The following KIAA2012 variants were observed in gnomAD, a reference collection of about 807,000 sequenced individuals.
KIAA2012 encodes KIAA2012.
Under a neutral mutation model 150.6 loss-of-function variants are expected in KIAA2012, and 125 were observed. The ratio of observed to expected loss-of-function variants is 0.83; its 90% CI spans 0.72 to 0.96. The LOEUF (loss-of-function observed/expected upper bound fraction) is 0.96. KIAA2012 is among the 40% of genes least tolerant of loss of function. KIAA2012 has a pLI of 0.00. For synonymous variants in KIAA2012, 462 were observed against 504.7 expected, an observed-to-expected ratio of 0.92 and a Z score of 1.13; for missense variants, 1,219 against 1,354.9, an observed-to-expected ratio of 0.90 and a Z score of 1.57.
At chr2:202,173,957 A>C (rs1036085841) in intron 15 of KIAA2012, among the ~76,000 whole-genome samples, 6 of 152,324 alleles carry the variant, frequency 3.9e-5, no homozygotes, top group African/African-American at 1.4e-4. Flanking sequence ...GTAGAACTTG[A>C]GAAGCATTCT....
At chr2:202,106,758 C>T (rs937525482) in intron 9 of KIAA2012, among the ~76,000 whole-genome samples, 6 of 152,030 alleles carry the variant, frequency 3.9e-5, no homozygotes, top group Admixed American at 2.6e-4. Context: ...ATTTCCATGA[C>T]GTGGACATTT....
At chr2:202,093,605 G>A (rs1342299692) in intron 4 of KIAA2012, among the ~76,000 whole-genome samples, 3 of 152,054 alleles carry the variant, frequency 2.0e-5, no homozygotes, top group Admixed American at 6.5e-5. Context: ...GATTTTTGTG[G>A]CAATATGATG....
At chr2:202,168,607 T>C (rs1691822873) in intron 15 of KIAA2012, among the ~76,000 whole-genome samples, 1 of 151,978 alleles carries the variant, frequency 6.6e-6, no homozygotes, top group Non-Finnish European at 1.5e-5. Context: ...ATAAGGGGTA[T>C]TGGGGGTGCT....
In KIAA2012 at chr2:202,105,795, C is replaced by A. The variant is rs376543750; in HGVS notation, c.1359C>A (p.Ser453Arg). 40 of 1,550,496 alleles carry A rather than the reference C, an allele frequency of 2.6e-5. No individual in the cohort carries two copies. Among genetic ancestry groups the A allele is most frequent in the Non-Finnish European group, 3.4e-5 (39 of 1,147,002 alleles). The change falls in exon 9 of 24, where the codon AGC becomes AGA. Residue 453 changes from serine to arginine, a missense_variant. Physicochemically the swap from Ser to Arg is moderately radical, Grantham distance 110. Transcript: ENST00000498697. ...ACCCTGAGTCAGAACCAGAAAGCAG[C>A]GAAGAATCCACACCTGTGTGGAGAC... ...APHPESEPES[S>R]EESTPVWRPP...
chr2:202,110,408 A>G (rs762090364), intron 10 of KIAA2012, among the ~76,000 whole-genome samples: 5 of 152,252 alleles, frequency 3.3e-5, no homozygotes, highest in African/African-American at 4.8e-5. Flanking sequence ...GGTAGCTCAT[A>G]GAGCAAAAAT....
At chr2:202,135,406 A>G (rs539687834) in intron 12 of KIAA2012, among the ~76,000 whole-genome samples, 1 of 152,320 alleles carries the variant, frequency 6.6e-6, no homozygotes, top group South Asian at 2.1e-4. Context: ...TGGGTTAATC[A>G]GTTTCTTTGA....
chr2:202,122,515 T>C (rs985030830), intron 11 of KIAA2012, among the ~76,000 whole-genome samples: 1 of 151,182 alleles, frequency 6.6e-6, no homozygotes, highest in Non-Finnish European at 1.5e-5. Context: ...TTTTTTTTTT[T>C]TGGAGACTGA....
At position 202,097,474 on chromosome 2, in the gene KIAA2012, G is replaced by A. The variant is rs1173286055; in HGVS notation, c.725G>A (p.Gly242Glu). 1.9e-6 allele frequency: 3 copies of A among 1,550,410 alleles called. No homozygotes were observed. Among genetic ancestry groups the A allele is most frequent in the Non-Finnish European group, 2.6e-6 (3 of 1,146,982 alleles). Residue 242 changes from glycine to glutamate, a missense_variant, in exon 5 of 24, where the codon GGA (glycine) becomes GAA (glutamate). Physicochemically the swap from Gly to Glu is moderately conservative, Grantham distance 98. Transcript: ENST00000498697. Reference sequence around the variant, plus strand: ...GATGAAGGGGAAGCTGGAGCTGCTGGACACGTGGACCAGGGCCCTCTAGCC... The same window carrying A: ...GATGAAGGGGAAGCTGGAGCTGCTGAACACGTGGACCAGGGCCCTCTAGCC... Reference protein sequence around the residue: ...GLDEGEAGAAGHVDQGPLAKN... With the variant: ...GLDEGEAGAAEHVDQGPLAKN...
intron 13 of KIAA2012, among the ~76,000 whole-genome samples, chr2:202,146,414 C>G (rs186305620): frequency 6.6e-6 from 1 of 151,874 alleles, no homozygotes; most frequent in African/African-American, 2.4e-5. Flanking sequence ...GGGTGGATTA[C>G]GAGGTCAGGA....
At position 202,193,642 on chromosome 2, in the gene KIAA2012, T is replaced by C. The variant is rs1692359681; in HGVS notation, c.3014+139T>C. 1.1e-5 allele frequency: 9 copies of C among 808,554 alleles called. No individual in the cohort carries two copies. In the Admixed American group the frequency reaches 2.5e-4, roughly 23 times the overall value. The allele number at this position is 808,554 out of a possible 1,614,324, so 50.1% of individuals were successfully genotyped here. A position where few individuals can be genotyped will look rare whatever the true frequency, so the allele number is the denominator to read the frequency against. On this transcript the variant is annotated intron_variant, in intron 20 of 23. Transcript: ENST00000498697. ...AAATAGCATGTGTCATTTTTCTCTA[T>C]CCTCAGTTTTCCTAGGAACAACACT... is the stretch of plus-strand genomic sequence containing the variant.
intron 2 of KIAA2012, among the ~76,000 whole-genome samples, chr2:202,079,122 A>G (rs1418679718): frequency 6.6e-6 from 1 of 152,130 alleles, no homozygotes; most frequent in African/African-American, 2.4e-5. Flanking sequence ...TACCAAATAT[A>G]TTTTTTAAAC....
intron 15 of KIAA2012, among the ~76,000 whole-genome samples, chr2:202,169,365 C>T (rs1691837015): frequency 6.6e-6 from 1 of 152,212 alleles, no homozygotes; most frequent in Non-Finnish European, 1.5e-5. Context: ...AACAGTGCCT[C>T]CCAGGGTTAC....
At chr2:202,168,246 C>T (rs1691811070) in intron 15 of KIAA2012, among the ~76,000 whole-genome samples, 1 of 151,726 alleles carries the variant, frequency 6.6e-6, no homozygotes, top group South Asian at 2.1e-4. Flanking sequence ...TGGTGAAACC[C>T]CATCTCTACT....
At chr2:202,137,710 A>T (rs1470317142) in intron 12 of KIAA2012, 3 of 152,208 alleles carry the variant, frequency 2.0e-5, no homozygotes, top group Non-Finnish European at 4.4e-5. Context: ...TTGGAGGGAA[A>T]TCCTTACTCA....
chr2:202,197,014 A>C lies in KIAA2012; in HGVS notation c.3402A>C (p.Gln1134His), dbSNP rs1692428712. 1.9e-6 allele frequency: 3 copies of C among 1,550,476 alleles called. No homozygotes were observed. Among genetic ancestry groups the C allele is most frequent in the Middle Eastern group, 1.7e-4 (1 of 5,990 alleles). Residue 1134 changes from glutamine to histidine, a missense_variant, in exon 22 of 24, where the codon CAA becomes CAC. By Grantham distance (24) the Gln-to-His change is conservative. Coordinates refer to ENST00000498697, the MANE Select transcript of KIAA2012 (RefSeq NM_001277372.4). ...AAGCCACGAAACAAGCCCAGGAACA[A>C]GCCAGGTACTGGATATTTGGGCAAC... ...LEEATKQAQE[Q>H]ARQKAALEKH...
Position 202,147,242 on chromosome 2 carries a change from T to G in KIAA2012, c.1909-7431T>G, listed in dbSNP as rs1004311647. ...TCCATGCCTTCTGGAGTGTTCACTG[T>G]GTTTCACTGTTTAAAATTCTAACCA... On this transcript the variant is annotated intron_variant, in intron 13 of 23. Coordinates refer to ENST00000498697, the MANE Select transcript of KIAA2012 (RefSeq NM_001277372.4). 5.2e-5 allele frequency among the ~76,000 whole-genome samples: 8 copies of G among 152,382 alleles called. No homozygotes were observed. In the East Asian group the frequency reaches 1.5e-3, roughly 29 times the overall value.
chr2:202,183,608 A>G (rs987211164), intron 15 of KIAA2012, among the ~76,000 whole-genome samples: 3 of 150,438 alleles, frequency 2.0e-5, no homozygotes, highest in Non-Finnish European at 4.4e-5. Context: ...GGTTCAAGCT[A>G]TTCTCTTGCC....
At chr2:202,192,848 C>T (rs1048865011) in intron 19 of KIAA2012, among the ~76,000 whole-genome samples, 3 of 152,012 alleles carry the variant, frequency 2.0e-5, no homozygotes, top group African/African-American at 7.2e-5. Context: ...ACCCCTGGGC[C>T]CAAGCAATCC....
intron 15 of KIAA2012, among the ~76,000 whole-genome samples, chr2:202,173,743 T>C (rs956703301): frequency 1.3e-5 from 2 of 152,300 alleles, no homozygotes; most frequent in South Asian, 4.1e-4. Flanking sequence ...GGGTCTAACA[T>C]ATGAAAATAT....
Sources: gnomAD v4.1 joint callset for allele counts (sites outside exome capture counted in the v4.1 genomes callset) on GRCh38, gnomAD v4.1.1 for gene constraint, MANE v1.5 for transcripts, NCBI Gene and HGNC (gene_info 2026-07-23, HGNC 2026-07-21) for gene names.